The following VSNL1 variants were observed in gnomAD, a reference collection of about 807,000 sequenced individuals.
VSNL1 encodes the protein visinin like 1.
A neutral mutation model predicts 20.4 loss-of-function variants in VSNL1; 6 were observed. That is an observed-to-expected ratio of 0.29 (90% CI 0.16 to 0.58). VSNL1 has a LOEUF of 0.58. Ranked by LOEUF, VSNL1 falls within the 20% of genes least tolerant of loss-of-function variation. VSNL1 has a pLI of 0.90. For synonymous variants in VSNL1, 93 were observed against 86.4 expected (o/e 1.08, Z -0.42); for missense variants, 100 against 234.5 (o/e 0.43, Z 3.75).
intron 1 of VSNL1, among the ~76,000 whole-genome samples, chr2:17,565,191 GT>G (rs1311814974): frequency 6.6e-6 from 1 of 152,152 alleles, no homozygotes; most frequent in East Asian, 1.9e-4. Flanking sequence ...CTAGGACAAT[GT>G]TAGTCTGGAT....
At position 17,566,051 on chromosome 2, in the gene VSNL1, C is replaced by A. The variant is rs559039062; in HGVS notation, c.-6+25133C>A. Among the ~76,000 whole-genome samples the A allele has an allele frequency of 1.3e-4, 20 of 152,290 alleles. No individual in the cohort carries two copies. The South Asian group carries it at 4.1e-3, about 32-fold the overall frequency. ...CATGCTGAACTGTGAGTCAAATAAACCTCTTTTTTTTAATAAATTATCCAG... is the reference window on the plus strand; with the variant it reads ...CATGCTGAACTGTGAGTCAAATAAAACTCTTTTTTTTAATAAATTATCCAG... On this transcript the variant is annotated intron_variant, in intron 1 of 3. Coordinates refer to ENST00000295156, the MANE Select transcript of VSNL1 (RefSeq NM_003385.5).
intron 1 of VSNL1, among the ~76,000 whole-genome samples, chr2:17,570,111 T>C (rs1664046455): frequency 6.6e-6 from 1 of 152,256 alleles, no homozygotes; most frequent in African/African-American, 2.4e-5. Flanking sequence ...GTTTTCTTCA[T>C]GAAATACAGT....
intron 2 of VSNL1, among the ~76,000 whole-genome samples, chr2:17,622,877 G>A (rs116200481): frequency 0.026 from 3,944 of 152,254 alleles, 185 homozygotes; most frequent in African/African-American, 0.089. Context: ...TGCAAACGGC[G>A]TGAACTTCCA....
intron 2 of VSNL1, among the ~76,000 whole-genome samples, chr2:17,641,784 A>G (rs1030524441): frequency 3.3e-5 from 5 of 152,194 alleles, no homozygotes; most frequent in Admixed American, 1.3e-4. Context: ...ATGTAGTTGT[A>G]TAGACATAGA....
chr2:17,632,822 T>C (rs1201119885), intron 2 of VSNL1, among the ~76,000 whole-genome samples: 1 of 152,158 alleles, frequency 6.6e-6, no homozygotes, highest in African/African-American at 2.4e-5. Context: ...AATGCAGAAA[T>C]AAGCATTAAA....
chr2:17,559,416 A>T (rs889392430), intron 1 of VSNL1, among the ~76,000 whole-genome samples: 1 of 151,210 alleles, frequency 6.6e-6, no homozygotes, highest in Non-Finnish European at 1.5e-5. Flanking sequence ...AGCAAAAAAA[A>T]AAACAACAAC....
chr2:17,544,866 G>A (rs1457508967), intron 1 of VSNL1, among the ~76,000 whole-genome samples: 1 of 152,064 alleles, frequency 6.6e-6, no homozygotes, highest in Admixed American at 6.5e-5. Context: ...ATGGTACAGA[G>A]ATATATTAAA....
intron 1 of VSNL1, among the ~76,000 whole-genome samples, chr2:17,570,068 T>A (rs935410427): frequency 4.6e-5 from 7 of 152,212 alleles, no homozygotes; most frequent in African/African-American, 1.7e-4. Context: ...TTTTGAAATC[T>A]TGCAAATCTC....
At chr2:17,610,665 G>A (rs1460579664) in intron 2 of VSNL1, among the ~76,000 whole-genome samples, 1 of 152,122 alleles carries the variant, frequency 6.6e-6, no homozygotes, top group South Asian at 2.1e-4. Context: ...TCCCCTTCCT[G>A]CCCATTAGTC....
At chr2:17,624,416 G>T (rs1665456237) in intron 2 of VSNL1, among the ~76,000 whole-genome samples, 1 of 152,178 alleles carries the variant, frequency 6.6e-6, no homozygotes, top group South Asian at 2.1e-4. Flanking sequence ...CTAACCCCTA[G>T]AATTTGTGAA....
chr2:17,557,966 T>C (rs1196945944), intron 1 of VSNL1, among the ~76,000 whole-genome samples: 1 of 152,156 alleles, frequency 6.6e-6, no homozygotes, highest in African/African-American at 2.4e-5. Context: ...TACAAGTCCA[T>C]GAAAGAAGCA....
intron 1 of VSNL1, among the ~76,000 whole-genome samples, chr2:17,584,746 C>T (rs1452360156): frequency 6.6e-6 from 1 of 152,168 alleles, no homozygotes; most frequent in Non-Finnish European, 1.5e-5. Flanking sequence ...GGACCTTCAG[C>T]CTGTCTCAGT....
In VSNL1 at chr2:17,597,506, A is replaced by G. The variant is rs575095058; in HGVS notation, c.162+5270A>G. Among the ~76,000 whole-genome samples the G allele has an allele frequency of 9.8e-5, 15 of 152,338 alleles. No individual in the cohort carries two copies. In the South Asian group the frequency reaches 3.1e-3, roughly 32 times the overall value. The stretch of plus-strand genomic sequence containing the variant: ...TTTCTTCTTAGAAAAGTCTTAGGCC[A>G]CTGACAGGTGCACCTGAGACAGGTG... On this transcript the variant is annotated intron_variant, in intron 2 of 3. Transcript: ENST00000295156.
chr2:17,654,306 TC>T (rs1666179936), intron 3 of VSNL1, among the ~76,000 whole-genome samples: 1 of 152,238 alleles, frequency 6.6e-6, no homozygotes. Flanking sequence ...ATCTTCTCAC[TC>T]TATTCTTTAA....
intron 1 of VSNL1, among the ~76,000 whole-genome samples, chr2:17,571,177 T>G (rs1395955565): frequency 2.0e-5 from 3 of 152,160 alleles, no homozygotes; most frequent in Non-Finnish European, 4.4e-5. Flanking sequence ...ACCAAGAGCT[T>G]ATGTTTTAGC....
intron 2 of VSNL1, among the ~76,000 whole-genome samples, chr2:17,594,170 G>A (rs779699523): frequency 2.2e-4 from 34 of 152,170 alleles, no homozygotes; most frequent in Non-Finnish European, 4.0e-4. Flanking sequence ...ATGCCTTGGC[G>A]TTTTATGGTA....
chr2:17,568,854 A>AT lies in VSNL1; in HGVS notation c.-5-23208dup, dbSNP rs545117343. On this transcript the variant is annotated intron_variant, in intron 1 of 3. Transcript: ENST00000295156. ...TAACTGGGTATATAATTATTAGTTG[A>AT]TTTTTTTTCCTTTAGCATTTTGAAA... Among the ~76,000 whole-genome samples, 11 of 151,914 alleles carry AT rather than the reference A, an allele frequency of 7.2e-5. No individual in the cohort carries two copies. In the South Asian group the frequency reaches 1.0e-3, roughly 14 times the overall value.
chr2:17,631,659 G>C (rs1665632683), intron 2 of VSNL1, among the ~76,000 whole-genome samples: 2 of 152,178 alleles, frequency 1.3e-5, no homozygotes, highest in Non-Finnish European at 2.9e-5. Flanking sequence ...AGAGTCTCTA[G>C]ATTTGATTAA....
chr2:17,588,370 G>A (rs1255503652), intron 1 of VSNL1, among the ~76,000 whole-genome samples: 2 of 152,124 alleles, frequency 1.3e-5, no homozygotes, highest in Non-Finnish European at 2.9e-5. Flanking sequence ...TTTTTTAAAT[G>A]GGGAAATGGA....
Sources: allele counts gnomAD v4.1 joint callset (sites outside exome capture counted in the v4.1 genomes callset), GRCh38; gene constraint gnomAD v4.1.1; transcripts MANE v1.5; gene names NCBI Gene and HGNC (gene_info 2026-07-23, HGNC 2026-07-21).